RSU1: variants seen among roughly 807,000 people sequenced by gnomAD.
RSU1 encodes the protein Ras suppressor protein 1, also known as rsu-1.
RSU1 carries 26 observed loss-of-function variants against 31.1 expected under a neutral mutation model. The ratio of observed to expected loss-of-function variants is 0.84; its 90% CI spans 0.61 to 1.16. RSU1 has a LOEUF of 1.16. Among genes scored for constraint, RSU1 ranks in the 50% most tolerant of loss-of-function variants. The pLI, the probability that RSU1 is intolerant of heterozygous loss-of-function variation, is 0.00. For missense variants in RSU1, 320 were observed against 339.1 expected, an observed-to-expected ratio of 0.94 and a Z score of 0.44; for synonymous variants, 164 against 136.3, an observed-to-expected ratio of 1.20 and a Z score of -1.41.
intron 7 of RSU1, among the ~76,000 whole-genome samples, chr10:16,734,341 TCACA>T (rs1836581314): frequency 6.6e-6 from 1 of 152,250 alleles, no homozygotes; most frequent in African/African-American, 2.4e-5. Flanking sequence ...AATCCTGTGC[TCACA>T]CACTCTTCTT....
At chr10:16,646,178 G>A (rs1834567490) in intron 8 of RSU1, among the ~76,000 whole-genome samples, 1 of 151,466 alleles carries the variant, frequency 6.6e-6, no homozygotes, top group Non-Finnish European at 1.5e-5. Context: ...ACTGGGCACA[G>A]CTCTCATTCT....
chr10:16,674,965 G>A (rs575879689), intron 8 of RSU1, among the ~76,000 whole-genome samples: 19 of 152,198 alleles, frequency 1.2e-4, no homozygotes, highest in Admixed American at 4.6e-4. Context: ...CCTGGGAGGC[G>A]GAGGTTGCAG....
At chr10:16,661,287 CGTGTGTGTGTGTGTGTGTGTGTGT>C (rs56675037) in intron 8 of RSU1, among the ~76,000 whole-genome samples, 1 of 132,830 alleles carries the variant, frequency 7.5e-6, no homozygotes, top group Non-Finnish European at 1.6e-5. Context: ...GTAGAGAGTG[CGTGTGTGTGTGTGTGTGTGTGTGT>C]GTGTGTGTGT....
chr10:16,815,299 G>C (rs1415010456), intron 2 of RSU1, among the ~76,000 whole-genome samples: 1 of 152,178 alleles, frequency 6.6e-6, no homozygotes, highest in Non-Finnish European at 1.5e-5. Context: ...CCTACGAAAC[G>C]CAAATCTACG....
chr10:16,669,073 A>G (rs994545448), intron 8 of RSU1, among the ~76,000 whole-genome samples: 4 of 152,120 alleles, frequency 2.6e-5, no homozygotes, highest in African/African-American at 9.7e-5. Flanking sequence ...TCTATTACAA[A>G]GAGTCTTTGT....
intron 2 of RSU1, among the ~76,000 whole-genome samples, chr10:16,795,848 G>A (rs1043815350): frequency 1.3e-5 from 2 of 152,034 alleles, no homozygotes; most frequent in South Asian, 2.1e-4. Flanking sequence ...TAAACAAGCC[G>A]CCCAGGTGAG....
intron 8 of RSU1, among the ~76,000 whole-genome samples, chr10:16,602,597 T>C (rs1588668925): frequency 6.6e-6 from 1 of 152,308 alleles, no homozygotes; most frequent in African/African-American, 2.4e-5. Flanking sequence ...TAGAAACACA[T>C]TGTGTGCTAT....
chr10:16,643,988 C>T (rs899427945), intron 8 of RSU1, among the ~76,000 whole-genome samples: 1 of 151,636 alleles, frequency 6.6e-6, no homozygotes, highest in East Asian at 1.9e-4. Flanking sequence ...TACAAGTAAT[C>T]CAGAGATGAT....
At chr10:16,631,476 T>G (rs978293798) in intron 8 of RSU1, among the ~76,000 whole-genome samples, 1 of 152,094 alleles carries the variant, frequency 6.6e-6, no homozygotes, top group East Asian at 1.9e-4. Flanking sequence ...ACTTTTACCA[T>G]GGGGGAAAAA....
intron 8 of RSU1, among the ~76,000 whole-genome samples, chr10:16,609,832 C>T (rs574572043): frequency 6.6e-6 from 1 of 152,348 alleles, no homozygotes; most frequent in East Asian, 1.9e-4. Context: ...GTTCTCTTCT[C>T]ATAAGCTGTT....
intron 8 of RSU1, among the ~76,000 whole-genome samples, chr10:16,640,939 CA>C (rs1278024287): frequency 6.6e-6 from 1 of 152,204 alleles, no homozygotes; most frequent in Non-Finnish European, 1.5e-5. Flanking sequence ...TGGAATTGAA[CA>C]ATGGGTCCTC....
In RSU1 at chr10:16,723,626, C is replaced by G. The variant is rs116217849; in HGVS notation, c.599-28471G>C. On this transcript the variant is annotated intron_variant, in intron 7 of 8. Coordinates refer to ENST00000345264, the MANE Select transcript of RSU1 (RefSeq NM_012425.4). ...GCTAGTCGCATACTATAGTTTACCC[C>G]CTCTGGTTAAAGCATTCTTCTGAGT... Among the ~76,000 whole-genome samples the G allele has an allele frequency of 6.0e-3, 911 of 152,258 alleles. 13 individuals carry two copies. Among genetic ancestry groups the G allele is most frequent in the African/African-American group, 0.021 (861 of 41,534 alleles).
chr10:16,611,111 A>G (rs1833884873), intron 8 of RSU1, among the ~76,000 whole-genome samples: 2 of 152,202 alleles, frequency 1.3e-5, no homozygotes, highest in Admixed American at 1.3e-4. Flanking sequence ...TGCATTATCC[A>G]TGAGGCCCTC....
At position 16,645,882 on chromosome 10, in the gene RSU1, A is replaced by G. The variant is rs899645178; in HGVS notation, c.731+49141T>C. 1.5e-4 allele frequency among the ~76,000 whole-genome samples: 16 copies of G among 106,058 alleles called. 3 individuals carry two copies. The highest frequency in any genetic ancestry group is 6.4e-4 in the South Asian group (2 of 3,120). The allele number at this position is 106,058 out of a possible 152,430, so 69.6% of individuals were successfully genotyped here. On this transcript the variant is annotated intron_variant, in intron 8 of 8. Transcript: ENST00000345264. ...TATACGTATATATACATATATGTGTATATACATATATGTATATACACATAT... is the reference window on the plus strand; with the variant it reads ...TATACGTATATATACATATATGTGTGTATACATATATGTATATACACATAT...
chr10:16,728,168 T>A (rs1836435050), intron 7 of RSU1, among the ~76,000 whole-genome samples: 1 of 152,170 alleles, frequency 6.6e-6, no homozygotes, highest in South Asian at 2.1e-4. Context: ...TACTTGGGTA[T>A]AAAATAATGA....
chr10:16,788,650 A>T (rs1397965081), intron 2 of RSU1, among the ~76,000 whole-genome samples: 1 of 152,204 alleles, frequency 6.6e-6, no homozygotes, highest in Non-Finnish European at 1.5e-5. Context: ...TAACGGCCAG[A>T]GCTGACTAAA....
At chr10:16,771,630 T>C (rs559462939) in intron 3 of RSU1, among the ~76,000 whole-genome samples, 12 of 152,348 alleles carry the variant, frequency 7.9e-5, no homozygotes, top group Admixed American at 5.9e-4. Context: ...TTTGTAGTTA[T>C]AGTGATTAAT....
intron 2 of RSU1, among the ~76,000 whole-genome samples, chr10:16,796,881 T>C (rs1838047878): frequency 6.6e-6 from 1 of 152,116 alleles, no homozygotes; most frequent in Non-Finnish European, 1.5e-5. Flanking sequence ...TACAAGTAGA[T>C]GAGGACAAGC....
intron 2 of RSU1, among the ~76,000 whole-genome samples, chr10:16,795,276 C>T (rs1347451151): frequency 1.3e-5 from 2 of 148,914 alleles, no homozygotes; most frequent in Non-Finnish European, 3.0e-5. Flanking sequence ...ATTGCTTGAA[C>T]CCAGGAAGCA....
Sources: allele counts gnomAD v4.1 joint callset (sites outside exome capture counted in the v4.1 genomes callset), GRCh38; gene constraint gnomAD v4.1.1; transcripts MANE v1.5; gene names NCBI Gene and HGNC (gene_info 2026-07-23, HGNC 2026-07-21).